DNAH5: variants seen among roughly 807,000 people sequenced by gnomAD.
DNAH5 encodes the protein axonemal beta dynein heavy chain 5.
Under a neutral mutation model 518.2 loss-of-function variants are expected in DNAH5, and 372 were observed. The observed-to-expected ratio is 0.72, with a 90% CI of 0.66 to 0.78. The LOEUF (loss-of-function observed/expected upper bound fraction) is 0.78. Among genes scored for constraint, DNAH5 ranks in the 30% least tolerant of loss-of-function variants. The pLI, the probability that DNAH5 is intolerant of heterozygous loss-of-function variation, is 0.00. For synonymous variants in DNAH5, 2,039 were observed against 2,025.9 expected (o/e 1.01, Z -0.17); for missense variants, 5,523 against 5,687.0 (o/e 0.97, Z 0.93).
rs1765074628 is a variant in DNAH5, at chr5:13,840,966, T to C, written c.5649A>G (p.Arg1883=). 2 of 1,614,186 alleles carry C rather than the reference T, an allele frequency of 1.2e-6. No individual in the cohort carries two copies. Residue 1883 remains arginine (R), a synonymous_variant, in exon 34 of 79, where the codon CGA becomes CGG. Transcript: ENST00000265104. ...VTTRDLSSTE[R]VKYETLITIH... ...TAGTAATCAGAGTCTCGTATTTCACTCGTTCCGTGGAACTCAGATCCCTCG... is the reference window on the plus strand; with the variant it reads ...TAGTAATCAGAGTCTCGTATTTCACCCGTTCCGTGGAACTCAGATCCCTCG...
At chr5:13,923,008 A>C (rs1477423609) in intron 4 of DNAH5, among the ~76,000 whole-genome samples, 1 of 152,162 alleles carries the variant, frequency 6.6e-6, no homozygotes, top group East Asian at 1.9e-4. Context: ...TGCATGGGGA[A>C]TTCATTAGAA....
intron 78 of DNAH5, among the ~76,000 whole-genome samples, chr5:13,699,802 G>A (rs1353595857): frequency 6.6e-6 from 1 of 152,120 alleles, no homozygotes; most frequent in East Asian, 1.9e-4. Flanking sequence ...CATAAAATCA[G>A]TACTTCCTTG....
intron 1 of DNAH5, among the ~76,000 whole-genome samples, chr5:14,002,818 A>T (rs1183456277): frequency 1.3e-5 from 2 of 151,828 alleles, no homozygotes; most frequent in Non-Finnish European, 2.9e-5. Context: ...TTTCAAATGT[A>T]CTTACTTTTT....
Position 13,769,279 on chromosome 5 carries a change from G to A in DNAH5, c.9721-143C>T, listed in dbSNP as rs566182405. ...TTTTTTTTTTTTGAGATGGAGTCTCGCTCTGTCGCCCAGGCTGGAGTGCAG... is the reference window on the plus strand; with the variant it reads ...TTTTTTTTTTTTGAGATGGAGTCTCACTCTGTCGCCCAGGCTGGAGTGCAG... On this transcript the variant is annotated intron_variant, in intron 57 of 78. Coordinates refer to ENST00000265104, the MANE Select transcript of DNAH5 (RefSeq NM_001369.3). 133 of 916,126 alleles carry A rather than the reference G, an allele frequency of 1.5e-4. No individual in the cohort carries two copies. The African/African-American group carries it at 2.1e-3, about 14-fold the overall frequency. 56.7% of individuals were successfully genotyped at this position (916,126 alleles called of 1,614,324 possible). A position where few individuals can be genotyped will look rare whatever the true frequency, so the allele number is the denominator to read the frequency against.
chr5:13,850,372 G>A (rs1461535770), intron 31 of DNAH5, among the ~76,000 whole-genome samples: 1 of 152,142 alleles, frequency 6.6e-6, no homozygotes, highest in African/African-American at 2.4e-5. Flanking sequence ...CAGAAAATAG[G>A]TGTATTAATT....
chr5:13,777,973 C>G (rs1231181235), intron 53 of DNAH5, among the ~76,000 whole-genome samples: 1 of 152,138 alleles, frequency 6.6e-6, no homozygotes, highest in East Asian at 1.9e-4. Flanking sequence ...AGTGAACCTA[C>G]AATCAGGAAA....
chr5:13,691,694 G>A lies in DNAH5; in HGVS notation c.*290C>T, dbSNP rs926216540. 24 of 385,464 alleles carry A rather than the reference G, an allele frequency of 6.2e-5. No homozygotes were observed. The highest frequency in any genetic ancestry group is 3.9e-4 in the South Asian group (15 of 38,244). The allele number at this position is 385,464 out of a possible 1,614,324, so 23.9% of individuals were successfully genotyped here. A position where few individuals can be genotyped will look rare whatever the true frequency, so the allele number is the denominator to read the frequency against. ...GCTTACCCTAGTCAGTCTTCGGAGC[G>A]AAGTAAGAAGAAAATATACTACTGT... On this transcript the variant is annotated 3_prime_UTR_variant, in exon 79 of 79. Transcript: ENST00000265104.
Position 13,719,110 on chromosome 5 carries a change from A to G in DNAH5, c.12280-9T>C, listed in dbSNP as rs759095389. On this transcript the variant is annotated splice_polypyrimidine_tract_variant and intron_variant, in intron 71 of 78. Transcript: ENST00000265104. ...AGAAGTGCCCATCCTCCCTGTCAAT[A>G]GCAGTAAACGGAAATTAGGTAGTTT... is the stretch of plus-strand genomic sequence containing the variant. 50 of 1,609,152 alleles carry G rather than the reference A, an allele frequency of 3.1e-5. No homozygotes were observed. Among genetic ancestry groups the G allele is most frequent in the Middle Eastern group, 1.6e-4 (1 of 6,076 alleles).
intron 1 of DNAH5, among the ~76,000 whole-genome samples, chr5:13,985,006 T>C (rs1782936525): frequency 6.6e-6 from 1 of 152,118 alleles, no homozygotes; most frequent in South Asian, 2.1e-4. Flanking sequence ...CTACTCACAA[T>C]AGCAAAGACT....
rs1358314506 is a variant in DNAH5 at position 13,716,619 on chromosome 5, A to G, written c.12777T>C (p.Tyr4259=). The G allele has an allele frequency of 2.5e-6, 4 of 1,613,944 alleles. No individual in the cohort carries two copies. In the East Asian group the frequency reaches 6.7e-5, roughly 27 times the overall value. The change falls in exon 74 of 79, where the codon TAT becomes TAC. Residue 4259 remains tyrosine, a synonymous_variant. Coordinates refer to ENST00000265104, the MANE Select transcript of DNAH5 (RefSeq NM_001369.3). ...CAAATGTGTTCAACAATCTCTTATCATAGTCGTCAGTGACTCTGCCTCCAT... is the reference window on the plus strand; with the variant it reads ...CAAATGTGTTCAACAATCTCTTATCGTAGTCGTCAGTGACTCTGCCTCCAT... ...IQYGGRVTDD[Y]DKRLLNTFAK...
chr5:13,760,619 T>G (rs914496666), intron 60 of DNAH5, among the ~76,000 whole-genome samples: 3 of 152,240 alleles, frequency 2.0e-5, no homozygotes, highest in Non-Finnish European at 4.4e-5. Flanking sequence ...CTATTGCCGC[T>G]AATTCATACT....
At chr5:13,811,878 G>A in intron 43 of DNAH5, 55 bp from the exon 44 acceptor site, 1 of 1,553,032 alleles carries the variant, frequency 6.4e-7, no homozygotes, top group African/African-American at 1.4e-5. Flanking sequence ...CTAGGAAAAT[G>A]GTCATTTGGG....
chr5:13,978,088 G>C (rs1024765054), intron 1 of DNAH5, among the ~76,000 whole-genome samples: 1 of 152,200 alleles, frequency 6.6e-6, no homozygotes, highest in Non-Finnish European at 1.5e-5. Context: ...CTATGGAGGG[G>C]AGAATATGGA....
rs990507266 is a variant in DNAH5, at chr5:13,717,306, C to T, written c.12705+9G>A. On this transcript the variant is annotated intron_variant, in intron 73 of 78. Transcript: ENST00000265104. Reference sequence around the variant, plus strand: ...CACTAGAGGCATGAGGCAGCATGCGCGGCAGTACCTTTTTGACATCCATGT... The same window carrying T: ...CACTAGAGGCATGAGGCAGCATGCGTGGCAGTACCTTTTTGACATCCATGT... The T allele has an allele frequency of 5.0e-6, 8 of 1,612,458 alleles. No individual in the cohort carries two copies. Among genetic ancestry groups the T allele is most frequent in the Non-Finnish European group, 5.9e-6 (7 of 1,179,350 alleles).
At chr5:13,693,307 T>C (rs1740943205) in intron 78 of DNAH5, among the ~76,000 whole-genome samples, 1 of 152,246 alleles carries the variant, frequency 6.6e-6, no homozygotes, top group South Asian at 2.1e-4. Context: ...ATTGAATTTA[T>C]TTCTCAAAAC....
intron 12 of DNAH5, among the ~76,000 whole-genome samples, chr5:13,909,873 G>A (rs978791013): frequency 6.6e-5 from 10 of 152,146 alleles, no homozygotes; most frequent in African/African-American, 4.8e-5. Flanking sequence ...CATAATTGCT[G>A]TATAGCAAAC....
intron 65 of DNAH5, among the ~76,000 whole-genome samples, chr5:13,747,660 T>A (rs1749581611): frequency 6.6e-6 from 1 of 152,358 alleles, no homozygotes; most frequent in African/African-American, 2.4e-5. Flanking sequence ...TTTTTTCATG[T>A]GTCTGTTGGC....
chr5:13,865,111 C>T (rs1580655262), intron 27 of DNAH5, among the ~76,000 whole-genome samples: 6 of 151,242 alleles, frequency 4.0e-5, no homozygotes, highest in Admixed American at 4.0e-4. Context: ...TCTCCTGCCT[C>T]AGCCTCCCGA....
rs778365337 is a variant in DNAH5, at chr5:13,868,005, A to T, written c.3835-13T>A. 24 of 1,604,972 alleles carry T rather than the reference A, an allele frequency of 1.5e-5. No individual in the cohort carries two copies. The highest frequency in any genetic ancestry group is 1.7e-4 in the Middle Eastern group (1 of 5,908). On this transcript the variant is annotated splice_polypyrimidine_tract_variant and intron_variant, in intron 24 of 78. Transcript: ENST00000265104. ...GGGCATAAGATTCCTAAAAAAAAAT[A>T]GGAAAAACTTAATTTTGGCCAGTCA...
Sources: allele counts gnomAD v4.1 joint callset (sites outside exome capture counted in the v4.1 genomes callset), GRCh38; gene constraint gnomAD v4.1.1; transcripts MANE v1.5; gene names NCBI Gene and HGNC (gene_info 2026-07-23, HGNC 2026-07-21).